The following RIMS2 variants were observed in gnomAD, a reference collection of about 807,000 sequenced individuals.
RIMS2 encodes the protein regulating synaptic membrane exocytosis 2.
RIMS2 carries 59 observed loss-of-function variants against 174.4 expected under a neutral mutation model. That is an observed-to-expected ratio of 0.34 (90% CI 0.27 to 0.42). RIMS2 has a LOEUF of 0.42. Ranked by LOEUF, RIMS2 falls within the 10% of genes least tolerant of loss-of-function variation. The probability of loss-of-function intolerance (pLI) is 1.00; values close to 1 mark genes in which losing one functional copy is unlikely to be tolerated. For missense variants in RIMS2, 1,620 were observed against 1,666.3 expected (o/e 0.97, Z 0.48); for synonymous variants, 606 against 572.5 (o/e 1.06, Z -0.84).
At chr8:104,206,330 T>C (rs1239463140) in intron 19 of RIMS2, among the ~76,000 whole-genome samples, 1 of 152,220 alleles carries the variant, frequency 6.6e-6, no homozygotes, top group Non-Finnish European at 1.5e-5. Context: ...CGTATCTCTC[T>C]GAACTTTAGA....
intron 19 of RIMS2, among the ~76,000 whole-genome samples, chr8:104,156,496 T>G (rs1280618045): frequency 6.6e-6 from 1 of 152,206 alleles, no homozygotes; most frequent in African/African-American, 2.4e-5. Context: ...AGCCACTGTT[T>G]TCAGAAATTA....
intron 3 of RIMS2, among the ~76,000 whole-genome samples, chr8:103,817,721 G>A (rs1437626661): frequency 6.6e-6 from 1 of 152,104 alleles, no homozygotes; most frequent in Non-Finnish European, 1.5e-5. Flanking sequence ...ACGTTGCAGT[G>A]AGCACCACTA....
At chr8:103,642,839 C>T (rs1250966719) in intron 1 of RIMS2, among the ~76,000 whole-genome samples, 1 of 151,530 alleles carries the variant, frequency 6.6e-6, no homozygotes, top group East Asian at 1.9e-4. Context: ...TTCAAAATGT[C>T]ATCTTTGTCT....
chr8:103,693,924 G>A (rs1001925789), intron 1 of RIMS2, among the ~76,000 whole-genome samples: 3 of 152,174 alleles, frequency 2.0e-5, no homozygotes, highest in African/African-American at 4.8e-5. Context: ...GTGTTGGTAT[G>A]GTGTTAGTGC....
intron 19 of RIMS2, among the ~76,000 whole-genome samples, chr8:104,187,464 G>T (rs2098974288): frequency 6.6e-6 from 1 of 151,806 alleles, no homozygotes; most frequent in Non-Finnish European, 1.5e-5. Context: ...AAATAAATCT[G>T]TAGGTGAAAC....
chr8:103,837,123 A>C (rs2098900891), intron 3 of RIMS2, among the ~76,000 whole-genome samples: 1 of 152,242 alleles, frequency 6.6e-6, no homozygotes, highest in South Asian at 2.1e-4. Flanking sequence ...GGGTTAAAAC[A>C]CTCCACCTAT....
In RIMS2 at chr8:103,910,173, ATAGCAGTGAGGCATCC is replaced by A. The variant is rs773736159; in HGVS notation, c.1665_1680del (p.Ser556GlnfsTer7). The A allele has an allele frequency of 6.2e-7, 1 of 1,612,220 alleles. No homozygotes were observed. On this transcript the variant is annotated frameshift_variant, in exon 5 of 24. Coordinates refer to ENST00000504942, the Ensembl canonical transcript of RIMS2. LOFTEE classifies it high-confidence loss of function. Reference sequence around the variant, plus strand: ...AACTGGTTGGATCATACGTCTTGGCATAGCAGTGAGGCATCCCCAATGTCTTTGGTGAGACATGTGG... The same window carrying A: ...AACTGGTTGGATCATACGTCTTGGCACCAATGTCTTTGGTGAGACATGTGG...
intron 19 of RIMS2, among the ~76,000 whole-genome samples, chr8:104,131,849 A>C (rs1566595742): frequency 6.6e-6 from 1 of 152,182 alleles, no homozygotes; most frequent in Non-Finnish European, 1.5e-5. Flanking sequence ...CCTTTATGTA[A>C]ACTGGATTGA....
At chr8:104,148,802 T>C in intron 19 of RIMS2, 1 of 1,598,346 alleles carries the variant, frequency 6.3e-7, no homozygotes, top group East Asian at 2.2e-5. Context: ...TAGCTATCGT[T>C]GGTCTGTCAC....
At chr8:103,748,619 A>G (rs1591570452) in intron 2 of RIMS2, among the ~76,000 whole-genome samples, 1 of 152,028 alleles carries the variant, frequency 6.6e-6, no homozygotes, top group Non-Finnish European at 1.5e-5. Context: ...TTACTATTTC[A>G]CCATCATTGC....
At chr8:104,180,274 A>G (rs1450615343) in intron 19 of RIMS2, among the ~76,000 whole-genome samples, 1 of 151,664 alleles carries the variant, frequency 6.6e-6, no homozygotes, top group Non-Finnish European at 1.5e-5. Flanking sequence ...TAAAAGTATT[A>G]TACAATTTAC....
At chr8:103,716,109 GA>G (rs1174715129) in intron 2 of RIMS2, among the ~76,000 whole-genome samples, 199 bp from the exon 5 acceptor site, 2 of 151,496 alleles carry the variant, frequency 1.3e-5, no homozygotes, top group African/African-American at 4.8e-5. Flanking sequence ...GAAATGTATG[GA>G]AAAAAATCTC....
intron 2 of RIMS2, among the ~76,000 whole-genome samples, chr8:103,751,269 C>A (rs1171085304): frequency 6.6e-6 from 1 of 152,126 alleles, no homozygotes; most frequent in Non-Finnish European, 1.5e-5. Context: ...CTACAAAGGA[C>A]ATGAACTCAT....
chr8:104,026,638 A>AGAGG (rs555720503), intron 19 of RIMS2, among the ~76,000 whole-genome samples: 63,187 of 151,636 alleles, frequency 0.42, 13,598 homozygotes, highest in African/African-American at 0.51. Context: ...AGAAATGGAA[A>AGAGG]GAGGAGAGGG....
intron 19 of RIMS2, among the ~76,000 whole-genome samples, chr8:104,129,030 G>T (rs1037413414): frequency 2.0e-5 from 3 of 152,136 alleles, no homozygotes; most frequent in African/African-American, 7.2e-5. Context: ...TTTAAAAGTG[G>T]CTGAAGAATA....
chr8:104,159,113 T>C (rs946219562), intron 19 of RIMS2, among the ~76,000 whole-genome samples: 1 of 152,220 alleles, frequency 6.6e-6, no homozygotes, highest in Non-Finnish European at 1.5e-5. Flanking sequence ...TTTCTACATA[T>C]GGCTAGCCAG....
At chr8:104,231,910 G>A (rs915782200) in intron 19 of RIMS2, among the ~76,000 whole-genome samples, 7 of 152,132 alleles carry the variant, frequency 4.6e-5, no homozygotes, top group African/African-American at 1.2e-4. Context: ...CAGTAGCTAC[G>A]TATGACTAGT....
intron 1 of RIMS2, among the ~76,000 whole-genome samples, chr8:103,565,492 A>C (rs1238172109): frequency 2.0e-5 from 3 of 151,980 alleles, no homozygotes; most frequent in Non-Finnish European, 4.4e-5. Flanking sequence ...TTTTGTAGAC[A>C]CGTCGTTTTT....
intron 19 of RIMS2, among the ~76,000 whole-genome samples, chr8:104,037,074 T>A (rs966374184): frequency 2.2e-4 from 33 of 152,190 alleles, no homozygotes; most frequent in African/African-American, 7.2e-4. Flanking sequence ...TTAGTTCACA[T>A]CATTTGGATT....
Sources: gnomAD v4.1 joint callset for allele counts (sites outside exome capture counted in the v4.1 genomes callset) on GRCh38, gnomAD v4.1.1 for gene constraint, MANE v1.5 for transcripts, NCBI Gene and HGNC (gene_info 2026-07-23, HGNC 2026-07-21) for gene names.